The following NLRC3 variants were observed in gnomAD, a reference collection of about 807,000 sequenced individuals.
NLRC3 encodes NLR family CARD domain-containing protein 3.
In NLRC3, 87 loss-of-function variants were observed where a neutral mutation model predicts 91.6. The observed-to-expected ratio is 0.95, with a 90% CI of 0.80 to 1.14. The LOEUF (loss-of-function observed/expected upper bound fraction) is 1.14. Ranked by LOEUF, NLRC3 falls within the 50% of genes most tolerant of loss-of-function variation. NLRC3 has a pLI of 0.00. For synonymous variants in NLRC3, 694 were observed against 625.3 expected (o/e 1.11, Z -1.64); for missense variants, 1,577 against 1,418.6 (o/e 1.11, Z -1.79).
In NLRC3 at chr16:3,575,152, G is replaced by A. The variant is rs535188042; in HGVS notation, c.-169+1997C>T. On this transcript the variant is annotated intron_variant, in intron 1 of 19. Coordinates refer to ENST00000359128, the MANE Select transcript of NLRC3 (RefSeq NM_178844.4). ...TGCTCAGGCCCCATTCAGACGAAAC[G>A]TGGCTTTCATCCTGGACACTGTCCC... 3.9e-5 allele frequency among the ~76,000 whole-genome samples: 6 copies of A among 152,266 alleles called. No individual in the cohort carries two copies. In the East Asian group the frequency reaches 5.8e-4, roughly 15 times the overall value.
At chr16:3,551,684 C>T (rs2039015195) in intron 10 of NLRC3, among the ~76,000 whole-genome samples, 1 of 151,704 alleles carries the variant, frequency 6.6e-6, no homozygotes, top group African/African-American at 2.4e-5. Flanking sequence ...TCCATCCTTC[C>T]ATTCACTCAT....
chr16:3,542,386 A>G (rs940864759), intron 18 of NLRC3, 112 bp from the exon 19 acceptor site: 15 of 731,414 alleles, frequency 2.1e-5, no homozygotes, highest in Non-Finnish European at 3.4e-5. Flanking sequence ...ATGTGTCCAC[A>G]GGTGCCATGG....
intron 10 of NLRC3, among the ~76,000 whole-genome samples, chr16:3,551,337 C>T (rs929156020): frequency 6.6e-6 from 1 of 151,694 alleles, no homozygotes; most frequent in African/African-American, 2.4e-5. Context: ...TCCATCCACT[C>T]ATCCATTCAA....
intron 1 of NLRC3, among the ~76,000 whole-genome samples, chr16:3,572,926 T>G (rs1301224062): frequency 6.7e-6 from 1 of 149,032 alleles, no homozygotes; most frequent in East Asian, 2.0e-4. Context: ...GGCAGGGAAT[T>G]GCTTGAACCC....
chr16:3,570,189 C>G (rs1302060768), intron 1 of NLRC3, among the ~76,000 whole-genome samples: 1 of 151,058 alleles, frequency 6.6e-6, no homozygotes, highest in Non-Finnish European at 1.5e-5. Context: ...GAGACAGAGT[C>G]TCAACTCCTG....
chr16:3,544,420 G>A (rs746502450), intron 15 of NLRC3, 91 bp from the exon 16 acceptor site: 421 of 834,208 alleles, frequency 5.0e-4, no homozygotes, highest in Non-Finnish European at 7.6e-4. Context: ...AGGTTTAACC[G>A]ACTACACACA....
chr16:3,550,220 C>G (rs1708525256), intron 11 of NLRC3, among the ~76,000 whole-genome samples, 194 bp downstream of exon 11: 1 of 152,220 alleles, frequency 6.6e-6, no homozygotes, highest in Admixed American at 6.5e-5. Flanking sequence ...TCCAAACACT[C>G]CAGACCCTAC....
At chr16:3,543,018 C>G (rs1450289668) in intron 17 of NLRC3, 1 of 545,526 alleles carries the variant, frequency 1.8e-6, no homozygotes, top group East Asian at 3.1e-5. Context: ...TCTTCCATTT[C>G]AAACAGAAAA....
Position 3,541,553 on chromosome 16 carries a change from T to C in NLRC3, c.*272A>G. 1 of 478,654 alleles carries C rather than the reference T, an allele frequency of 2.1e-6. No homozygotes were observed. The allele number at this position is 478,654 out of a possible 1,614,324, so 29.7% of individuals were successfully genotyped here. The stretch of plus-strand genomic sequence containing the variant: ...ACCAGCCTCCTGTACTGCTCAGCTT[T>C]CAGGCCTTTGGCCCCTAGTCCCTTG... On this transcript the variant is annotated 3_prime_UTR_variant, in exon 20 of 20. Coordinates refer to ENST00000359128, the MANE Select transcript of NLRC3 (RefSeq NM_178844.4).
At chr16:3,543,041 C>T (rs947110707) in intron 17 of NLRC3, 16 of 519,548 alleles carry the variant, frequency 3.1e-5, no homozygotes, top group African/African-American at 2.7e-4. Context: ...GGGGCTGAGA[C>T]AGGAGAGGCA....
chr16:3,547,878 A>G (rs1443908230), intron 15 of NLRC3, among the ~76,000 whole-genome samples: 1 of 152,132 alleles, frequency 6.6e-6, no homozygotes, highest in Non-Finnish European at 1.5e-5. Context: ...CATGTTGGCC[A>G]GGCTCATCTT....
chr16:3,548,262 T>A (rs1163300708), intron 14 of NLRC3, 44 bp from the exon 15 acceptor site: 4 of 1,491,478 alleles, frequency 2.7e-6, no homozygotes, highest in Non-Finnish European at 3.7e-6. Flanking sequence ...TATGTGACTA[T>A]GTGGCCCTGG....
At chr16:3,557,140 A>G in intron 7 of NLRC3, 146 bp from the exon 8 acceptor site, 1 of 629,290 alleles carries the variant, frequency 1.6e-6, no homozygotes, top group South Asian at 1.9e-5. Context: ...ACCAGGGCAG[A>G]GATCCTTATA....
intron 15 of NLRC3, among the ~76,000 whole-genome samples, chr16:3,547,281 G>A (rs1596440849): frequency 1.3e-5 from 2 of 152,146 alleles, no homozygotes; most frequent in Admixed American, 1.3e-4. Context: ...CCAAATGAAA[G>A]ACACCAGCCA....
chr16:3,554,607 A>AGTGTTGGT (rs1458886940), intron 8 of NLRC3, among the ~76,000 whole-genome samples: 46 of 152,340 alleles, frequency 3.0e-4, no homozygotes, highest in Non-Finnish European at 5.7e-4. Context: ...TACAGCTGAA[A>AGTGTTGGT]GACACAGGAT....
rs141569334 is a variant in NLRC3 at position 3,554,304 on chromosome 16, C to T, written c.2205G>A (p.Arg735=). The T allele has an allele frequency of 1.4e-3, 2,196 of 1,613,758 alleles. 20 individuals are homozygous for T. Among genetic ancestry groups the T allele is most frequent in the South Asian group, 8.6e-3 (780 of 91,080 alleles). Residue 735 remains arginine (R), a synonymous_variant, in exon 9 of 20, where the codon AGG becomes AGA. Coordinates refer to ENST00000359128, the MANE Select transcript of NLRC3 (RefSeq NM_178844.4). The stretch of plus-strand genomic sequence containing the variant: ...CAGCCATGGACCTGGCACCATCATC[C>T]CTAACGGTGTTGCCCTGGAGGCTGC... ...TSLSLQGNTV[R]DDGARSMAEA...
chr16:3,548,803 C>A (rs774230114), intron 13 of NLRC3, 50 bp from the exon 14 acceptor site: 4 of 1,322,922 alleles, frequency 3.0e-6, no homozygotes, highest in Non-Finnish European at 4.2e-6. Context: ...GCTGTGAAGC[C>A]TCCGGTCCTT....
Position 3,557,689 on chromosome 16 carries a change from A to G in NLRC3, c.2016-13T>C, listed in dbSNP as rs760345945. 5.0e-6 allele frequency: 8 copies of G among 1,592,692 alleles called. No individual in the cohort carries two copies. The highest frequency in any genetic ancestry group is 4.4e-5 in the South Asian group (4 of 90,222). On this transcript the variant is annotated splice_polypyrimidine_tract_variant and intron_variant, in intron 6 of 19. Coordinates refer to ENST00000359128, the MANE Select transcript of NLRC3 (RefSeq NM_178844.4). ...GTTCTCCGCCAAGCTGCCCAAGGAA[A>G]GGGAGAGGAGTGGTTATTTTAGGCA...
At chr16:3,576,687 C>T (rs888878354) in intron 1 of NLRC3, among the ~76,000 whole-genome samples, 2 of 152,064 alleles carry the variant, frequency 1.3e-5, no homozygotes, top group African/African-American at 4.8e-5. Context: ...GTTTTGGAGA[C>T]AGTCTCGCTT....
Sources: allele counts gnomAD v4.1 joint callset (sites outside exome capture counted in the v4.1 genomes callset), GRCh38; gene constraint gnomAD v4.1.1; transcripts MANE v1.5; gene names NCBI Gene and HGNC (gene_info 2026-07-23, HGNC 2026-07-21).